The following RPL22 variants were observed in gnomAD, a reference collection of about 807,000 sequenced individuals.
RPL22 encodes large ribosomal subunit protein eL22.
Under a neutral mutation model 16.2 loss-of-function variants are expected in RPL22, and 4 were observed. That is an observed-to-expected ratio of 0.25 (90% CI 0.12 to 0.57). The LOEUF (loss-of-function observed/expected upper bound fraction) is 0.57, where lower values mean the gene tolerates loss of function less well. RPL22 is among the 20% of genes least tolerant of loss of function. The pLI, the probability that RPL22 is intolerant of heterozygous loss-of-function variation, is 0.92. For synonymous variants in RPL22, 43 were observed against 54.8 expected, an observed-to-expected ratio of 0.78 and a Z score of 0.95; for missense variants, 83 against 156.1, an observed-to-expected ratio of 0.53 and a Z score of 2.49.
At chr1:6,196,721 G>A (rs1667722079) in intron 2 of RPL22, among the ~76,000 whole-genome samples, 1 of 151,924 alleles carries the variant, frequency 6.6e-6, no homozygotes, top group Non-Finnish European at 1.5e-5. Flanking sequence ...CAATAGGATA[G>A]AGGAATATTG....
intron 3 of RPL22, among the ~76,000 whole-genome samples, chr1:6,189,916 G>A (rs1403863550): frequency 6.6e-6 from 1 of 152,018 alleles, no homozygotes; most frequent in Non-Finnish European, 1.5e-5. Context: ...ATCAAAACTC[G>A]TTTTCAAAAA....
At chr1:6,192,357 T>C (rs1667662987) in intron 3 of RPL22, among the ~76,000 whole-genome samples, 2 of 152,176 alleles carry the variant, frequency 1.3e-5, no homozygotes, top group South Asian at 4.1e-4. Context: ...AAGAATATTT[T>C]TGAGAAAACA....
intron 2 of RPL22, among the ~76,000 whole-genome samples, chr1:6,193,971 T>A (rs192062105): frequency 5.4e-4 from 82 of 152,066 alleles, no homozygotes; most frequent in Non-Finnish European, 1.1e-3. Context: ...TTTGAGAGGC[T>A]GAGGTGGGTG....
rs1057499701 is a variant in RPL22, at chr1:6,199,564, C to T, written c.10G>A (p.Val4Met). The change falls in exon 1 of 4, where the codon GTG becomes ATG. Residue 4 changes from valine to methionine, a missense_variant and splice_region_variant. Val to Met is a conservative substitution (Grantham distance 21). Transcript: ENST00000234875. ...GCCTCACGCGGAGCCATACTAACCA[C>T]AGGAGCCATGGCGGCAGCGGAGTTA... MAP[V>M]KKLVVKGGKK... 1.3e-6 allele frequency: 2 copies of T among 1,567,382 alleles called. No homozygotes were observed. The highest frequency in any genetic ancestry group is 2.7e-5 in the African/African-American group (2 of 73,868).
intron 2 of RPL22, among the ~76,000 whole-genome samples, chr1:6,195,011 G>A (rs1367467114): frequency 2.0e-5 from 3 of 151,686 alleles, no homozygotes; most frequent in Non-Finnish European, 4.4e-5. Flanking sequence ...GGTGGCGGGC[G>A]CCTGTTTCCC....
At chr1:6,198,131 AT>A in intron 1 of RPL22, 1 of 211,760 alleles carries the variant, frequency 4.7e-6, no homozygotes, top group South Asian at 8.8e-5. Context: ...AAAAAATACT[AT>A]TTTTCCAAAA....
At chr1:6,194,067 G>A (rs1305482950) in intron 2 of RPL22, among the ~76,000 whole-genome samples, 6 of 152,146 alleles carry the variant, frequency 3.9e-5, no homozygotes, top group African/African-American at 1.2e-4. Flanking sequence ...TTAGCCGGGT[G>A]TGGTGGCATG....
intron 3 of RPL22, among the ~76,000 whole-genome samples, chr1:6,192,642 T>C (rs1358627754): frequency 6.6e-6 from 1 of 152,110 alleles, no homozygotes; most frequent in Admixed American, 6.5e-5. Flanking sequence ...GAGGCTGCAG[T>C]GAGCCGAGAT....
At chr1:6,186,850 A>G in intron 3 of RPL22, 34 bp from the exon 4 acceptor site, 4 of 1,606,760 alleles carry the variant, frequency 2.5e-6, no homozygotes, top group Non-Finnish European at 3.4e-6. Flanking sequence ...TCCACTAGAC[A>G]GTTGGTGCTT....
chr1:6,187,307 A>C (rs1667594139), intron 3 of RPL22, among the ~76,000 whole-genome samples: 1 of 150,744 alleles, frequency 6.6e-6, no homozygotes, highest in African/African-American at 2.4e-5. Context: ...GACTGCCTCC[A>C]AAAAAAGAAA....
intron 2 of RPL22, among the ~76,000 whole-genome samples, chr1:6,195,644 C>T (rs930057738): frequency 6.7e-6 from 1 of 150,236 alleles, no homozygotes; most frequent in Admixed American, 6.7e-5. Context: ...CTCAGCTACT[C>T]GGGAGGCTGA....
intron 3 of RPL22, among the ~76,000 whole-genome samples, chr1:6,191,202 C>CA (rs1286259250): frequency 6.9e-6 from 1 of 145,742 alleles, no homozygotes; most frequent in African/African-American, 2.5e-5. Context: ...TACTAAAAAA[C>CA]AAAAAAAATT....
chr1:6,185,241 G>A lies in RPL22; in HGVS notation c.*1431C>T. ...TGACTTACTACATGGGAACATCAAT[G>A]CAACAAGTAGAATTTGTAAACTCAA... On this transcript the variant is annotated 3_prime_UTR_variant, in exon 4 of 4. Coordinates refer to ENST00000234875, the MANE Select transcript of RPL22 (RefSeq NM_000983.4). The A allele has an allele frequency of 7.5e-6, 3 of 398,678 alleles. No homozygotes were observed. Among genetic ancestry groups the A allele is most frequent in the Non-Finnish European group, 1.3e-5 (3 of 225,990 alleles). 24.7% of individuals were successfully genotyped at this position (398,678 alleles called of 1,614,324 possible).
intron 3 of RPL22, among the ~76,000 whole-genome samples, chr1:6,187,817 G>A (rs921678974): frequency 2.0e-5 from 3 of 152,070 alleles, no homozygotes; most frequent in East Asian, 1.9e-4. Context: ...AGCTGTAAGC[G>A]CTGCGCACAC....
At chr1:6,198,612 G>A (rs1296615816) in intron 1 of RPL22, 1 of 152,222 alleles carries the variant, frequency 6.6e-6, no homozygotes. Flanking sequence ...CTCCCTTCAT[G>A]TTTAAAAGAA....
chr1:6,199,521 G>C, intron 1 of RPL22, 41 bp downstream of exon 1: 1 of 1,551,540 alleles, frequency 6.4e-7, no homozygotes, highest in Non-Finnish European at 8.7e-7. Context: ...AGGCCCACGT[G>C]CCTCCCCTGG....
intron 3 of RPL22, among the ~76,000 whole-genome samples, chr1:6,187,512 G>A (rs1221019937): frequency 6.6e-6 from 1 of 151,370 alleles, no homozygotes; most frequent in Non-Finnish European, 1.5e-5. Flanking sequence ...TAGTCAGGAG[G>A]CTGAGGTAAG....
chr1:6,187,743 A>G (rs1022116457), intron 3 of RPL22, among the ~76,000 whole-genome samples: 1 of 152,242 alleles, frequency 6.6e-6, no homozygotes, highest in Non-Finnish European at 1.5e-5. Flanking sequence ...ATAACATGAT[A>G]GAAATTTACA....
chr1:6,193,224 TCTCGACCTCCCAGA>T (rs1186528107), intron 2 of RPL22, among the ~76,000 whole-genome samples, 170 bp from the exon 3 acceptor site: 2 of 152,048 alleles, frequency 1.3e-5, no homozygotes, highest in Non-Finnish European at 2.9e-5. Flanking sequence ...CAAGCTCAAG[TCTCGACCTCCCAGA>T]CTCAAGTGAT....
Sources: allele counts gnomAD v4.1 joint callset (sites outside exome capture counted in the v4.1 genomes callset), GRCh38; gene constraint gnomAD v4.1.1; transcripts MANE v1.5; gene names NCBI Gene and HGNC (gene_info 2026-07-23, HGNC 2026-07-21).